DDR2: variants seen among roughly 807,000 people sequenced by gnomAD.
DDR2 encodes the protein discoidin domain-containing receptor 2.
A neutral mutation model predicts 94.9 loss-of-function variants in DDR2; 27 were observed. That is an observed-to-expected ratio of 0.28 (90% confidence interval 0.21 to 0.39). The LOEUF is 0.39. Among genes scored for constraint, DDR2 ranks in the 10% least tolerant of loss-of-function variants. DDR2 has a pLI of 1.00. For synonymous variants in DDR2, 382 were observed against 377.2 expected, an observed-to-expected ratio of 1.01 and a Z score of -0.15; for missense variants, 783 against 1,076.0, an observed-to-expected ratio of 0.73 and a Z score of 3.81.
At chr1:162,638,057 G>A (rs1656925132) in intron 1 of DDR2, among the ~76,000 whole-genome samples, 3 of 152,094 alleles carry the variant, frequency 2.0e-5, no homozygotes, top group Admixed American at 2.0e-4. Flanking sequence ...GTCTCACTCT[G>A]TCACCCAGGC....
intron 1 of DDR2, among the ~76,000 whole-genome samples, chr1:162,644,199 T>A (rs943715597): frequency 6.6e-6 from 1 of 152,240 alleles, no homozygotes; most frequent in Non-Finnish European, 1.5e-5. Flanking sequence ...TTAAAAATGC[T>A]ACTTTTTAGC....
At chr1:162,752,976 T>A (rs1032430749) in intron 3 of DDR2, 119 bp from the exon 4 acceptor site, 12 of 862,786 alleles carry the variant, frequency 1.4e-5, no homozygotes, top group African/African-American at 1.3e-4. Flanking sequence ...ATAGAGGAAT[T>A]TAGGAAGATG....
rs1023985453 is a variant in DDR2 at position 162,785,910 on chromosome 1, GAGAC to G, written c.*5665_*5668del. On this transcript the variant is annotated 3_prime_UTR_variant, in exon 18 of 18. Transcript: ENST00000367921. ...TCCACAGGACACCGAATCAAAAGGAGAGACCAGACTCTGGCCTCATACCCAGCCT... is the reference window on the plus strand; with the variant it reads ...TCCACAGGACACCGAATCAAAAGGAGCAGACTCTGGCCTCATACCCAGCCT... The G allele has an allele frequency of 1.4e-4, 21 of 152,198 alleles. No homozygotes were observed. The highest frequency in any genetic ancestry group is 5.1e-4 in the African/African-American group (21 of 41,436). The allele number at this position is 152,198 out of a possible 1,614,324, so 9.4% of individuals were successfully genotyped here.
chr1:162,760,130 C>A (rs1262407360), intron 8 of DDR2, 151 bp downstream of exon 8: 1 of 1,044,818 alleles, frequency 9.6e-7, no homozygotes, highest in Non-Finnish European at 1.4e-6. Context: ...CAAGTCACTT[C>A]ATCTCTAAGG....
intron 2 of DDR2, among the ~76,000 whole-genome samples, chr1:162,661,790 G>C (rs1296953490): frequency 6.6e-6 from 1 of 152,192 alleles, no homozygotes; most frequent in East Asian, 1.9e-4. Context: ...GTGGGTGTAG[G>C]AGAATTGAGA....
chr1:162,755,427 A>T, intron 6 of DDR2, 124 bp downstream of exon 6: 1 of 1,318,616 alleles, frequency 7.6e-7, no homozygotes, highest in Non-Finnish European at 1.1e-6. Context: ...CCTCTTGGGA[A>T]GAATAGAGAC....
chr1:162,693,165 G>C (rs1213836911), intron 2 of DDR2, among the ~76,000 whole-genome samples: 1 of 152,158 alleles, frequency 6.6e-6, no homozygotes, highest in Non-Finnish European at 1.5e-5. Flanking sequence ...CTTTGGGGAA[G>C]AGCAAGAGGT....
chr1:162,685,697 C>T (rs1454240949), intron 2 of DDR2, among the ~76,000 whole-genome samples: 4 of 152,102 alleles, frequency 2.6e-5, no homozygotes, highest in Admixed American at 6.6e-5. Flanking sequence ...GACGTACATA[C>T]TGTGGAAGCT....
At chr1:162,685,575 C>T (rs754526315) in intron 2 of DDR2, among the ~76,000 whole-genome samples, 3 of 151,012 alleles carry the variant, frequency 2.0e-5, no homozygotes, top group Non-Finnish European at 4.4e-5. Context: ...TGTTCCTGAA[C>T]CTCATTCTTA....
intron 2 of DDR2, among the ~76,000 whole-genome samples, chr1:162,697,598 C>T (rs900370064): frequency 2.6e-5 from 4 of 152,064 alleles, no homozygotes; most frequent in Non-Finnish European, 1.5e-5. Context: ...ATGTATGAGG[C>T]CTAGTTGTGT....
intron 2 of DDR2, among the ~76,000 whole-genome samples, chr1:162,664,008 G>A (rs982004381): frequency 2.6e-5 from 4 of 152,138 alleles, no homozygotes; most frequent in South Asian, 2.1e-4. Context: ...AAATATCCAA[G>A]AGTCTGAGAG....
intron 2 of DDR2, among the ~76,000 whole-genome samples, chr1:162,678,479 AG>A (rs1329127449): frequency 1.3e-5 from 2 of 152,232 alleles, no homozygotes; most frequent in African/African-American, 4.8e-5. Context: ...ATTTAGCACT[AG>A]AAACAGTCTT....
intron 2 of DDR2, among the ~76,000 whole-genome samples, chr1:162,703,187 A>G (rs1660507824): frequency 6.6e-6 from 1 of 152,252 alleles, no homozygotes; most frequent in South Asian, 2.1e-4. Context: ...CGATGCCTAT[A>G]CAGAACGTAT....
At chr1:162,673,220 C>T (rs1658955642) in intron 2 of DDR2, among the ~76,000 whole-genome samples, 1 of 152,116 alleles carries the variant, frequency 6.6e-6, no homozygotes, top group South Asian at 2.1e-4. Context: ...TAGAGGGCAG[C>T]TTTTGGGAGC....
At position 162,641,862 on chromosome 1, in the gene DDR2, G is replaced by A. The variant is rs138717370; in HGVS notation, c.-192+9231G>A. ...TAGAAATATACTAATGTCTTTGTGA[G>A]TACAGATAAGGAGGAACAGATAAGC... On this transcript the variant is annotated intron_variant, in intron 1 of 17. Coordinates refer to ENST00000367921, the MANE Select transcript of DDR2 (RefSeq NM_006182.4). 2.4e-4 allele frequency among the ~76,000 whole-genome samples: 37 copies of A among 152,316 alleles called. No individual in the cohort carries two copies. In the East Asian group the frequency reaches 6.9e-3, roughly 29 times the overall value.
At chr1:162,732,551 C>T (rs769487969) in intron 3 of DDR2, among the ~76,000 whole-genome samples, 4 of 152,204 alleles carry the variant, frequency 2.6e-5, no homozygotes, top group South Asian at 2.1e-4. Flanking sequence ...ATATTTAACA[C>T]GGAGACATTA....
chr1:162,682,890 A>T, intron 2 of DDR2, among the ~76,000 whole-genome samples: 1 of 152,226 alleles, frequency 6.6e-6, no homozygotes, highest in East Asian at 1.9e-4. Flanking sequence ...ATATAATGAT[A>T]TAGCCATGTT....
At chr1:162,655,538 A>T (rs1348793129) in intron 2 of DDR2, among the ~76,000 whole-genome samples, 164 bp downstream of exon 2, 1 of 152,202 alleles carries the variant, frequency 6.6e-6, no homozygotes, top group Non-Finnish European at 1.5e-5. Flanking sequence ...GTATTTGACT[A>T]TATAGGAAAT....
In DDR2 at chr1:162,772,216, A is replaced by G; in HGVS notation, c.1697A>G (p.Lys566Arg). The change falls in exon 13 of 18, where the codon AAA becomes AGA. Residue 566 changes from lysine to arginine, a missense_variant. Lys to Arg is a conservative substitution (Grantham distance 26, BLOSUM62 2). Transcript: ENST00000367921. ...EEFPRKLLTF[K>R]EKLGEGQFGE... ...TTCCCCAGGAAACTCCTAACTTTCA[A>G]AGAGAAGCTGGGAGAAGGACAGTTT... 2 of 1,614,194 alleles carry G rather than the reference A, an allele frequency of 1.2e-6. No homozygotes were observed. The highest frequency in any genetic ancestry group is 8.5e-7 in the Non-Finnish European group (1 of 1,180,018).
Sources: gnomAD v4.1 joint callset for allele counts (sites outside exome capture counted in the v4.1 genomes callset) on GRCh38, gnomAD v4.1.1 for gene constraint, MANE v1.5 for transcripts, NCBI Gene and HGNC (gene_info 2026-07-23, HGNC 2026-07-21) for gene names.